Variants in ATP8B1 observed in about 807,000 individuals in gnomAD.
The protein encoded by ATP8B1 is phospholipid-transporting ATPase IC.
In ATP8B1, 80 loss-of-function variants were observed where a neutral mutation model predicts 149.9. The ratio of observed to expected loss-of-function variants is 0.53; its 90% CI spans 0.45 to 0.64. The LOEUF is 0.64. Among genes scored for constraint, ATP8B1 ranks in the 30% least tolerant of loss-of-function variants. The pLI, the probability that ATP8B1 is intolerant of heterozygous loss-of-function variation, is 0.00. For synonymous variants in ATP8B1, 536 were observed against 562.8 expected (o/e 0.95, Z 0.67); for missense variants, 1,247 against 1,552.6 (o/e 0.80, Z 3.31).
chr18:57,704,581 A>G lies in ATP8B1; in HGVS notation c.367T>C (p.Tyr123His), dbSNP rs762835295. The change falls in exon 4 of 28, where the codon TAT becomes CAT. Residue 123 changes from tyrosine to histidine, a missense_variant. Transcript: ENST00000648908. ...TGTAAGATAAGAAGAGCCAGGAAAT[A>G]TAAATTGGCTGCTCTCTTAAACTGC... ...FEQFKRAANL[Y>H]FLALLILQAV... 3 of 1,604,634 alleles carry G rather than the reference A, an allele frequency of 1.9e-6. No individual in the cohort carries two copies. Among genetic ancestry groups the G allele is most frequent in the Non-Finnish European group, 2.6e-6 (3 of 1,171,378 alleles).
At chr18:57,718,539 C>A (rs975870781) in intron 2 of ATP8B1, among the ~76,000 whole-genome samples, 5 of 152,070 alleles carry the variant, frequency 3.3e-5, no homozygotes, top group African/African-American at 9.7e-5. Context: ...CAAAACCAGA[C>A]AAAGACACAT....
chr18:57,782,559 G>A (rs1473243427), intron 1 of ATP8B1, among the ~76,000 whole-genome samples: 1 of 152,112 alleles, frequency 6.6e-6, no homozygotes, highest in African/African-American at 2.4e-5. Flanking sequence ...GGAGAACTCA[G>A]GCATCAATGT....
intron 1 of ATP8B1, among the ~76,000 whole-genome samples, chr18:57,762,189 A>G (rs1307223941): frequency 1.3e-5 from 2 of 150,646 alleles, no homozygotes; most frequent in African/African-American, 2.4e-5. Flanking sequence ...CCCAGGCTGT[A>G]GTGCAGTAAT....
At chr18:57,752,207 A>AAATAAT (rs74183222) in intron 1 of ATP8B1, among the ~76,000 whole-genome samples, 17,380 of 138,124 alleles carry the variant, frequency 0.13, 1,150 homozygotes, top group Middle Eastern at 0.16. Context: ...ACCCTGTCTC[A>AAATAAT]AATAATAATA....
At chr18:57,654,270 G>A (rs986234224) in intron 23 of ATP8B1, among the ~76,000 whole-genome samples, 195 bp from the exon 24 acceptor site, 1 of 151,844 alleles carries the variant, frequency 6.6e-6, no homozygotes. Flanking sequence ...GCCTCCCAAA[G>A]TGTTGGGATT....
In ATP8B1 at chr18:57,648,421, GTCCTGAGAGTC is replaced by G; in HGVS notation, c.*56_*66del. 1 of 1,533,446 alleles carries G rather than the reference GTCCTGAGAGTC, an allele frequency of 6.5e-7. No homozygotes were observed. Among genetic ancestry groups the G allele is most frequent in the Non-Finnish European group, 9.0e-7 (1 of 1,110,366 alleles). 95.0% of individuals were successfully genotyped at this position (1,533,446 alleles called of 1,614,324 possible). ...AATGCAATTCACACACACACACAAA[GTCCTGAGAGTC>G]TTTCATAAAAAAATAGACGTGCTTT... On this transcript the variant is annotated 3_prime_UTR_variant, in exon 28 of 28. Coordinates refer to ENST00000648908, the MANE Select transcript of ATP8B1 (RefSeq NM_001374385.1).
At chr18:57,730,981 C>A (rs144611658) in intron 2 of ATP8B1, among the ~76,000 whole-genome samples, 2 of 152,014 alleles carry the variant, frequency 1.3e-5, no homozygotes, top group Non-Finnish European at 2.9e-5. Context: ...GATTCTTGCC[C>A]GCATAACTCC....
At chr18:57,694,738 T>C (rs1051888503) in intron 10 of ATP8B1, 68 bp from the exon 11 acceptor site, 15 of 1,108,184 alleles carry the variant, frequency 1.4e-5, no homozygotes, top group Non-Finnish European at 1.9e-5. Context: ...CCAATAAAAT[T>C]ACTCTTCTTG....
At chr18:57,718,195 G>A (rs1229402251) in intron 2 of ATP8B1, among the ~76,000 whole-genome samples, 1 of 136,748 alleles carries the variant, frequency 7.3e-6, no homozygotes, top group African/African-American at 2.8e-5. Flanking sequence ...TGTTACCACA[G>A]AAATTCAAAG....
intron 13 of ATP8B1, among the ~76,000 whole-genome samples, chr18:57,686,104 CAACAAA>C (rs1457450516): frequency 6.6e-6 from 1 of 151,678 alleles, no homozygotes; most frequent in African/African-American, 2.4e-5. Flanking sequence ...ACAACAACAA[CAACAAA>C]AATTAGCCAG....
chr18:57,672,222 A>G (rs561770252), intron 16 of ATP8B1, among the ~76,000 whole-genome samples: 16 of 152,260 alleles, frequency 1.1e-4, no homozygotes, highest in African/African-American at 3.4e-4. Flanking sequence ...CATCCAACCA[A>G]CAGGTAGTTT....
chr18:57,764,381 T>TTTTCTCTC (rs1312496196), intron 1 of ATP8B1, among the ~76,000 whole-genome samples: 2 of 150,106 alleles, frequency 1.3e-5, no homozygotes, highest in Non-Finnish European at 3.0e-5. Flanking sequence ...TTCTTTCTCT[T>TTTTCTCTC]TTTCTCTCTT....
chr18:57,715,436 C>A (rs2079574803), intron 2 of ATP8B1, among the ~76,000 whole-genome samples: 1 of 151,936 alleles, frequency 6.6e-6, no homozygotes, highest in South Asian at 2.1e-4. Flanking sequence ...GAGAAAGAGA[C>A]AGGGGTAGAA....
chr18:57,718,856 G>A (rs563146775), intron 2 of ATP8B1, among the ~76,000 whole-genome samples: 4 of 152,134 alleles, frequency 2.6e-5, no homozygotes, highest in South Asian at 4.2e-4. Flanking sequence ...AAAAAACTGG[G>A]TACAGAACAA....
At chr18:57,767,348 A>G (rs558885665) in intron 1 of ATP8B1, among the ~76,000 whole-genome samples, 3 of 152,332 alleles carry the variant, frequency 2.0e-5, no homozygotes, top group East Asian at 3.9e-4. Flanking sequence ...TCAGGTAAGA[A>G]AAACCCAAGG....
intron 1 of ATP8B1, among the ~76,000 whole-genome samples, chr18:57,766,008 A>G (rs1028514519): frequency 1.3e-5 from 2 of 151,746 alleles, no homozygotes; most frequent in Admixed American, 6.6e-5. Flanking sequence ...GGTAGATTGT[A>G]TGTTGTGTAT....
Position 57,674,387 on chromosome 18 carries a change from T to TTTC in ATP8B1, c.1819+446_1819+447insGAA, listed in dbSNP as rs1374950301. On this transcript the variant is annotated intron_variant, in intron 16 of 27. Coordinates refer to ENST00000648908, the MANE Select transcript of ATP8B1 (RefSeq NM_001374385.1). ...GAATGAAGAAAACAATACCAGTTTCTTTTTTTTTTTTTTTTGAGACGGAGT... is the reference window on the plus strand; with the variant it reads ...GAATGAAGAAAACAATACCAGTTTCTTTCTTTTTTTTTTTTTTTGAGACGGAGT... 3.6e-3 allele frequency among the ~76,000 whole-genome samples: 5 copies of TTTC among 1,388 alleles called. No individual in the cohort carries two copies. The South Asian group carries it at 0.14, about 38-fold the overall frequency. The allele number at this position is 1,388 out of a possible 152,430, so 0.9% of individuals were successfully genotyped here.
chr18:57,781,602 G>A (rs1372881265), intron 1 of ATP8B1, among the ~76,000 whole-genome samples: 1 of 152,204 alleles, frequency 6.6e-6, no homozygotes, highest in African/African-American at 2.4e-5. Flanking sequence ...ATGCCTACTA[G>A]GTTGTGGACT....
At chr18:57,694,462 C>A in intron 11 of ATP8B1, 120 bp downstream of exon 11, 1 of 700,836 alleles carries the variant, frequency 1.4e-6, no homozygotes, top group Non-Finnish European at 2.5e-6. Context: ...GCTTGGAGTG[C>A]CCAATAATTT....
Sources: gnomAD v4.1 joint callset for allele counts (sites outside exome capture counted in the v4.1 genomes callset) on GRCh38, gnomAD v4.1.1 for gene constraint, MANE v1.5 for transcripts, NCBI Gene and HGNC (gene_info 2026-07-23, HGNC 2026-07-21) for gene names.